The following QARS1 variants were observed in gnomAD, a reference collection of about 807,000 sequenced individuals.
QARS1 encodes glutaminyl-tRNA synthetase 1.
A neutral mutation model predicts 106.9 loss-of-function variants in QARS1; 79 were observed. The observed-to-expected ratio is 0.74, with a 90% confidence interval of 0.62 to 0.89. The LOEUF is 0.89. QARS1 is among the 40% of genes least tolerant of loss of function. The pLI, the probability that QARS1 is intolerant of heterozygous loss-of-function variation, is 0.00. For synonymous variants in QARS1, 395 were observed against 367.7 expected, an observed-to-expected ratio of 1.07 and a Z score of -0.85; for missense variants, 966 against 997.2, an observed-to-expected ratio of 0.97 and a Z score of 0.42.
chr3:49,099,579 C>T lies in QARS1; in HGVS notation c.1457G>A (p.Arg486His), dbSNP rs1250051938. The T allele has an allele frequency of 1.2e-5, 19 of 1,614,062 alleles. No individual in the cohort carries two copies. Among genetic ancestry groups the T allele is most frequent in the Admixed American group, 1.7e-5 (1 of 60,004 alleles). Residue 486 changes from arginine to histidine, a missense_variant, in exon 16 of 24, where the codon CGC becomes CAC. Transcript: ENST00000306125. ...GACAACAGCATAGTGCAGGTTGAGG[C>T]GGCCATACTCCCACTGCACAGGGCA... The part of the protein sequence containing the change: ...VYCPVQWEYG[R>H]LNLHYAVVSK...
chr3:49,101,322 T>C (rs781252037), intron 10 of QARS1, 33 bp downstream of exon 10: 5 of 1,512,474 alleles, frequency 3.3e-6, no homozygotes, highest in Admixed American at 1.7e-5. Flanking sequence ...CAAGTGGTCA[T>C]CTTGCTTGCC....
At chr3:49,096,479 C>T (rs1351238153) in intron 23 of QARS1, among the ~76,000 whole-genome samples, 2 of 151,988 alleles carry the variant, frequency 1.3e-5, no homozygotes, top group Admixed American at 6.6e-5. Flanking sequence ...GCCTGGCCAA[C>T]ATGGCAAAAC....
Position 49,098,684 on chromosome 3 carries a change from C to T in QARS1, c.1872G>A (p.Glu624=), listed in dbSNP as rs537960607. 1.9e-6 allele frequency: 3 copies of T among 1,597,172 alleles called. No individual in the cohort carries two copies. Among genetic ancestry groups the T allele is most frequent in the Non-Finnish European group, 2.6e-6 (3 of 1,172,502 alleles). The part of the protein sequence containing the change: ...IERTDFKEEP[E]PGFKRLAWGQ... ...CCCAAGCCAGGCGCTTAAATCCTGG[C>T]TCTGGCTCCTAGAGATAGGAAGTGG... Residue 624 remains glutamate (E), a synonymous_variant, in exon 20 of 24, where the codon GAG becomes GAA. Coordinates refer to ENST00000306125, the MANE Select transcript of QARS1 (RefSeq NM_005051.3).
At chr3:49,103,810 T>C (rs2042502516) in intron 3 of QARS1, 53 bp downstream of exon 3, 4 of 1,600,696 alleles carry the variant, frequency 2.5e-6, no homozygotes, top group Non-Finnish European at 3.4e-6. Context: ...ACTGAGCCAC[T>C]CCTTTCCATG....
chr3:49,103,282 T>C (rs1314648274), intron 5 of QARS1, 63 bp downstream of exon 5: 1 of 1,553,658 alleles, frequency 6.4e-7, no homozygotes, highest in Admixed American at 1.7e-5. Flanking sequence ...TATCCCTTAG[T>C]GGATTCCAGG....
In QARS1 at chr3:49,102,030, C is replaced by G; in HGVS notation, c.632-131G>C. The stretch of plus-strand genomic sequence containing the variant: ...GATATCTAGAGCCAGACATCTGAGG[C>G]CTCTCATGCCAGTCTCTGGGCAAAG... On this transcript the variant is annotated intron_variant, in intron 7 of 23. Coordinates refer to ENST00000306125, the MANE Select transcript of QARS1 (RefSeq NM_005051.3). 3 of 1,283,034 alleles carry G rather than the reference C, an allele frequency of 2.3e-6. No homozygotes were observed. In the Admixed American group the frequency reaches 6.4e-5, roughly 27 times the overall value. 79.5% of individuals were successfully genotyped at this position (1,283,034 alleles called of 1,614,324 possible). A position where few individuals can be genotyped will look rare whatever the true frequency, so the allele number is the denominator to read the frequency against.
rs2042417727 is a variant in QARS1, at chr3:49,098,250, T to C, written c.2093A>G (p.His698Arg). 1.2e-6 allele frequency: 2 copies of C among 1,614,068 alleles called. No homozygotes were observed. Among genetic ancestry groups the C allele is most frequent in the African/African-American group, 1.3e-5 (1 of 74,928 alleles). ...EVRLYERLFQHKNPEDPTEVP... is the reference protein window; with the variant it reads ...EVRLYERLFQRKNPEDPTEVP... ...CTCAGTAGGATCTTCAGGGTTCTTG[T>C]GCTGGAATCTGCAGCCAAAGTGAAG... The change falls in exon 22 of 24, where the codon CAC (histidine) becomes CGC (arginine). Residue 698 changes from histidine to arginine, a missense_variant. Physicochemically the swap from His to Arg is conservative, Grantham distance 29. Transcript: ENST00000306125.
chr3:49,099,767 TG>T lies in QARS1; in HGVS notation c.1381del (p.Gln461ArgfsTer43). On this transcript the variant is annotated frameshift_variant, in exon 15 of 24. Transcript: ENST00000306125. LOFTEE classifies it high-confidence loss of function. ...ATGGACCCAGCTCCCTCACCGGGCC[TG>T]GAATTCCTTGGTGCAGAGTGAGTGA... is the stretch of plus-strand genomic sequence containing the variant. ...ITHSLCTKEF[Q>X]ARRSSYFWLC... 3 of 1,613,952 alleles carry T rather than the reference TG, an allele frequency of 1.9e-6. No individual in the cohort carries two copies. Among genetic ancestry groups the T allele is most frequent in the Non-Finnish European group, 2.5e-6 (3 of 1,179,968 alleles).
chr3:49,104,213 GC>G, intron 2 of QARS1, 110 bp downstream of exon 2: 1 of 1,475,840 alleles, frequency 6.8e-7, no homozygotes. Flanking sequence ...CAGTGCCTGT[GC>G]AGAACTAGGT....
Position 49,101,336 on chromosome 3 carries a change from T to TC in QARS1, c.876+18dup. 6.3e-7 allele frequency: 1 copy of TC among 1,582,598 alleles called. No individual in the cohort carries two copies. Among genetic ancestry groups the TC allele is most frequent in the Non-Finnish European group, 8.7e-7 (1 of 1,152,828 alleles). ...GCAAGTGGTCATCTTGCTTGCCAGG[T>TC]CCCTAGACACATGCTTACCTTGGCA... is the stretch of plus-strand genomic sequence containing the variant. On this transcript the variant is annotated intron_variant, in intron 10 of 23. Transcript: ENST00000306125.
At position 49,103,844 on chromosome 3, in the gene QARS1, T is replaced by A. The variant is rs756418443; in HGVS notation, c.375+19A>T. 1 of 1,611,240 alleles carries A rather than the reference T, an allele frequency of 6.2e-7. No individual in the cohort carries two copies. Reference sequence around the variant, plus strand: ...TGGCCAGGACTGGGGAGGCAGACGATGCCTGGGGAAAGACTCACAGCCTCC... The same window carrying A: ...TGGCCAGGACTGGGGAGGCAGACGAAGCCTGGGGAAAGACTCACAGCCTCC... On this transcript the variant is annotated intron_variant, in intron 3 of 23. Transcript: ENST00000306125.
chr3:49,096,596 G>A (rs1434651692), intron 23 of QARS1, among the ~76,000 whole-genome samples: 3 of 151,662 alleles, frequency 2.0e-5, no homozygotes, highest in Non-Finnish European at 4.4e-5. Context: ...TCAGGAGATC[G>A]AGACCATCCT....
At chr3:49,104,001 G>C in intron 2 of QARS1, 29 bp from the exon 3 acceptor site, 1 of 1,572,080 alleles carries the variant, frequency 6.4e-7, no homozygotes, top group Non-Finnish European at 8.7e-7. Flanking sequence ...TGAGTTTGTG[G>C]CATCTCTGCT....
In QARS1 at chr3:49,099,348, G is replaced by T; in HGVS notation, c.1610C>A (p.Ala537Asp). Residue 537 changes from alanine to aspartate, a missense_variant, in exon 17 of 24, where the codon GCC becomes GAC. Ala to Asp is a moderately radical substitution (Grantham distance 126). Coordinates refer to ENST00000306125, the MANE Select transcript of QARS1 (RefSeq NM_005051.3). ...ACCCAACCTGCTGGGCTATACCCGG[G>T]CACAGAAGTTGTTGATGGCCTCAGG... Reference protein sequence around the residue: ...FPPEAINNFCARVGVTVAQTT... With the variant: ...FPPEAINNFCDRVGVTVAQTT... 6.2e-7 allele frequency: 1 copy of T among 1,614,166 alleles called. No homozygotes were observed. Among genetic ancestry groups the T allele is most frequent in the South Asian group, 1.1e-5 (1 of 91,086 alleles).
rs916160048 is a variant in QARS1, at chr3:49,102,651, TG to T, written c.517-180del. Reference sequence around the variant, plus strand: ...TGCTAGCTTAAAATGCTCTTGCTCTTGTTGCCCAGACTGGAGTCTTGCTCAT... The same window carrying T: ...TGCTAGCTTAAAATGCTCTTGCTCTTTTGCCCAGACTGGAGTCTTGCTCAT... On this transcript the variant is annotated intron_variant, in intron 5 of 23. Transcript: ENST00000306125. 171 of 679,534 alleles carry T rather than the reference TG, an allele frequency of 2.5e-4. 1 individual carries two copies. Among genetic ancestry groups the T allele is most frequent in the African/African-American group, 2.4e-3 (133 of 56,478 alleles). The allele number at this position is 679,534 out of a possible 1,614,324, so 42.1% of individuals were successfully genotyped here.
chr3:49,099,666 G>C lies in QARS1; in HGVS notation c.1389-19C>G, dbSNP rs2042440910. ...AGAGCGTCTGGGGTGGGAGAGTAGG[G>C]TTAGCACTGGCCAGCTCTGGAACCA... On this transcript the variant is annotated intron_variant, in intron 15 of 23. Coordinates refer to ENST00000306125, the MANE Select transcript of QARS1 (RefSeq NM_005051.3). 5 of 1,612,850 alleles carry C rather than the reference G, an allele frequency of 3.1e-6. No homozygotes were observed. The highest frequency in any genetic ancestry group is 1.1e-5 in the South Asian group (1 of 91,014).
rs1223834136 is a variant in QARS1, at chr3:49,099,830, T to C, written c.1319A>G (p.Tyr440Cys). Residue 440 changes from tyrosine to cysteine, a missense_variant, in exon 15 of 24, where the codon TAC becomes TGC. By Grantham distance (194) the Tyr-to-Cys change is radical. Coordinates refer to ENST00000306125, the MANE Select transcript of QARS1 (RefSeq NM_005051.3). ...DKWCIYPTYD[Y>C]THCLCDSIEH... ...GATGGAGTCACAGAGGCAGTGTGTG[T>C]AGTCGTAGGTGGGATAGATGCACCT... 1.2e-6 allele frequency: 2 copies of C among 1,613,844 alleles called. No homozygotes were observed. Among genetic ancestry groups the C allele is most frequent in the Non-Finnish European group, 1.7e-6 (2 of 1,179,990 alleles).
Position 49,101,380 on chromosome 3 carries a change from A to T in QARS1, c.851T>A (p.Ile284Asn). The T allele has an allele frequency of 3.1e-6, 5 of 1,613,918 alleles. No individual in the cohort carries two copies. The South Asian group carries it at 5.5e-5, about 18-fold the overall frequency. ...GILHIGHAKA[I>N]NFNFGYAKAN... Reference sequence around the variant, plus strand: ...CTTGGCATAGCCAAAGTTGAAATTGATGGCTTTGGCATGTCCAATATGCAG... The same window carrying T: ...CTTGGCATAGCCAAAGTTGAAATTGTTGGCTTTGGCATGTCCAATATGCAG... Residue 284 changes from isoleucine (I) to asparagine (N), a missense_variant, in exon 10 of 24, where the codon ATC becomes AAC. Transcript: ENST00000306125.
At chr3:49,096,323 T>C (rs1007927980) in intron 23 of QARS1, among the ~76,000 whole-genome samples, 1 of 152,242 alleles carries the variant, frequency 6.6e-6, no homozygotes, top group African/African-American at 2.4e-5. Flanking sequence ...TATAGTTTTA[T>C]ATGGATTATA....
Sources: gnomAD v4.1 joint callset for allele counts (sites outside exome capture counted in the v4.1 genomes callset) on GRCh38, gnomAD v4.1.1 for gene constraint, MANE v1.5 for transcripts, NCBI Gene and HGNC (gene_info 2026-07-23, HGNC 2026-07-21) for gene names.